Variants in LARGE1 observed in about 807,000 individuals in gnomAD.
LARGE1 encodes LARGE xylosyl- and glucuronyltransferase 1.
LARGE1 carries 43 observed loss-of-function variants against 87.6 expected under a neutral mutation model. That is an observed-to-expected ratio of 0.49 (90% CI 0.38 to 0.63). LARGE1 has a LOEUF of 0.63. Ranked by LOEUF, LARGE1 falls within the 30% of genes least tolerant of loss-of-function variation. The pLI is 0.00. For missense variants in LARGE1, 802 were observed against 1,000.2 expected, an observed-to-expected ratio of 0.80 and a Z score of 2.67; for synonymous variants, 434 against 394.6, an observed-to-expected ratio of 1.10 and a Z score of -1.18.
chr22:33,544,694 C>CAACAACAACA (rs1555952160), intron 6 of LARGE1, among the ~76,000 whole-genome samples: 3,745 of 136,626 alleles, frequency 0.027, 103 homozygotes, highest in African/African-American at 0.088. Flanking sequence ...AAACAACAAC[C>CAACAACAACA]ACAACAACAA....
intron 1 of LARGE1, among the ~76,000 whole-genome samples, chr22:33,849,166 G>A (rs1022662042): frequency 1.4e-4 from 22 of 152,212 alleles, no homozygotes; most frequent in Admixed American, 1.0e-3. Flanking sequence ...CTCATCAATA[G>A]TTAATGCTTT....
the LARGE1 span, among the ~76,000 whole-genome samples, chr22:33,156,765 T>C: frequency 6.6e-6 from 1 of 152,056 alleles, no homozygotes; most frequent in Non-Finnish European, 1.5e-5. Context: ...GGGGCAGGGG[T>C]AGAATGATAT....
chr22:33,095,245 C>A, the LARGE1 span, among the ~76,000 whole-genome samples: 1 of 152,174 alleles, frequency 6.6e-6, no homozygotes, highest in Non-Finnish European at 1.5e-5. Flanking sequence ...GTCAGCAGGG[C>A]CACGCTCCCT....
chr22:33,654,304 GT>G (rs760845815), intron 2 of LARGE1, among the ~76,000 whole-genome samples: 81 of 152,040 alleles, frequency 5.3e-4, no homozygotes, highest in Non-Finnish European at 1.1e-3. Flanking sequence ...TTGTTGGTTT[GT>G]TTTAAAGGTC....
At chr22:33,165,279 AT>A (rs1241803171) in exon 12 of LARGE1, 1 of 152,216 alleles carries the variant, frequency 6.6e-6, no homozygotes, top group East Asian at 1.9e-4. Flanking sequence ...TTGAGATAGC[AT>A]TAAAATTGGT....
At chr22:33,346,356 G>A (rs530581111) in intron 9 of LARGE1, among the ~76,000 whole-genome samples, 5 of 150,650 alleles carry the variant, frequency 3.3e-5, no homozygotes, top group African/African-American at 1.2e-4. Context: ...AGGCTGGAGT[G>A]CAATGATGCG....
chr22:33,586,945 T>G (rs1309208890), intron 5 of LARGE1, among the ~76,000 whole-genome samples: 2 of 152,202 alleles, frequency 1.3e-5, no homozygotes, highest in Non-Finnish European at 2.9e-5. Context: ...GGTAACATAT[T>G]AAACACTGTC....
intron 6 of LARGE1, among the ~76,000 whole-genome samples, chr22:33,539,815 A>G (rs925157125): frequency 2.6e-5 from 4 of 152,138 alleles, no homozygotes; most frequent in Non-Finnish European, 4.4e-5. Flanking sequence ...CCTAGGCTCA[A>G]ATGATCCACC....
intron 2 of LARGE1, among the ~76,000 whole-genome samples, chr22:33,675,905 A>G (rs1324203074): frequency 6.9e-6 from 1 of 145,476 alleles, no homozygotes; most frequent in Non-Finnish European, 1.5e-5. Flanking sequence ...AAGGTCATTC[A>G]GCTGGTAAGT....
chr22:33,424,550 G>A (rs907641093), intron 7 of LARGE1, among the ~76,000 whole-genome samples: 1 of 152,178 alleles, frequency 6.6e-6, no homozygotes, highest in African/African-American at 2.4e-5. Flanking sequence ...ACCCGTCCAG[G>A]CATAGTGGCT....
At chr22:33,502,868 A>C (rs1466539177) in intron 6 of LARGE1, among the ~76,000 whole-genome samples, 1 of 151,674 alleles carries the variant, frequency 6.6e-6, no homozygotes, top group Non-Finnish European at 1.5e-5. Flanking sequence ...ATTGAAGCAC[A>C]AGTGCTGGGT....
chr22:33,252,981 A>G (rs2145722392), intron 11 of LARGE1, among the ~76,000 whole-genome samples: 1 of 152,304 alleles, frequency 6.6e-6, no homozygotes, highest in East Asian at 1.9e-4. Flanking sequence ...CTGAGACTGA[A>G]TTGGCATTTT....
chr22:33,099,125 G>T, the LARGE1 span, among the ~76,000 whole-genome samples: 18 of 152,134 alleles, frequency 1.2e-4, no homozygotes, highest in African/African-American at 4.3e-4. Context: ...CAGGGTCCCA[G>T]CCAGAGAGCC....
intron 7 of LARGE1, among the ~76,000 whole-genome samples, chr22:33,387,164 C>T (rs1429948624): frequency 6.8e-6 from 1 of 147,872 alleles, no homozygotes; most frequent in African/African-American, 2.5e-5. Flanking sequence ...GTGGCTCATG[C>T]CTGTAATCTC....
At chr22:33,597,425 C>A (rs2079008205) in intron 5 of LARGE1, among the ~76,000 whole-genome samples, 1 of 152,024 alleles carries the variant, frequency 6.6e-6, no homozygotes, top group Non-Finnish European at 1.5e-5. Flanking sequence ...AGGGTAGCAG[C>A]AGTTTACCCA....
At chr22:33,594,382 C>A (rs987135241) in intron 5 of LARGE1, among the ~76,000 whole-genome samples, 1 of 152,160 alleles carries the variant, frequency 6.6e-6, no homozygotes, top group African/African-American at 2.4e-5. Flanking sequence ...CAAAAAGGGC[C>A]TCATCGAAAA....
intron 11 of LARGE1, among the ~76,000 whole-genome samples, chr22:33,211,715 G>T (rs970909169): frequency 3.9e-5 from 6 of 152,296 alleles, no homozygotes; most frequent in Non-Finnish European, 7.4e-5. Context: ...GGCGGCTGCA[G>T]TGAGCCGAGA....
intron 6 of LARGE1, among the ~76,000 whole-genome samples, chr22:33,540,489 G>C (rs2267229): frequency 0.27 from 41,205 of 152,070 alleles, 7,273 homozygotes; most frequent in African/African-American, 0.48. Context: ...CCCTGGGAGG[G>C]ACAAGTGCCA....
chr22:33,755,730 C>T (rs192005834), intron 2 of LARGE1, among the ~76,000 whole-genome samples: 5 of 152,304 alleles, frequency 3.3e-5, no homozygotes, highest in East Asian at 1.9e-4. Flanking sequence ...TCCCTACCAG[C>T]GGTTCCTGTG....
Sources: gnomAD v4.1 joint callset for allele counts (sites outside exome capture counted in the v4.1 genomes callset) on GRCh38, gnomAD v4.1.1 for gene constraint, MANE v1.5 for transcripts, NCBI Gene and HGNC (gene_info 2026-07-23, HGNC 2026-07-21) for gene names.